Variants in RAB38 observed in about 807,000 individuals in gnomAD.
RAB38 encodes the protein ras-related protein Rab-38.
RAB38 carries 15 observed loss-of-function variants against 18.4 expected under a neutral mutation model. The ratio of observed to expected loss-of-function variants is 0.82; its 90% CI spans 0.55 to 1.26. The LOEUF (loss-of-function observed/expected upper bound fraction) is 1.26, where lower values mean the gene tolerates loss of function less well. Ranked by LOEUF, RAB38 falls within the 50% of genes most tolerant of loss-of-function variation. The pLI, the probability that RAB38 is intolerant of heterozygous loss-of-function variation, is 0.00. For missense variants in RAB38, 294 were observed against 267.4 expected, an observed-to-expected ratio of 1.10 and a Z score of -0.69; for synonymous variants, 101 against 104.4, an observed-to-expected ratio of 0.97 and a Z score of 0.20.
intron 2 of RAB38, among the ~76,000 whole-genome samples, chr11:88,144,265 A>C (rs1298936642): frequency 1.3e-5 from 2 of 152,354 alleles, no homozygotes; most frequent in Non-Finnish European, 2.9e-5. Context: ...GTGCTGTGAC[A>C]AATTAAGTCA....
chr11:87,824,411 C>A, the RAB38 span, among the ~76,000 whole-genome samples: 10 of 151,968 alleles, frequency 6.6e-5, no homozygotes, highest in Admixed American at 6.6e-4. Flanking sequence ...ATCAAGAAAC[C>A]CTATACATGT....
the RAB38 span, among the ~76,000 whole-genome samples, chr11:88,017,245 T>A: frequency 6.6e-6 from 1 of 152,088 alleles, no homozygotes; most frequent in African/African-American, 2.4e-5. Flanking sequence ...TGTGAATACT[T>A]CATGTATGAT....
downstream of RAB38, among the ~76,000 whole-genome samples, chr11:88,109,752 C>T (rs1219291069): frequency 6.6e-6 from 1 of 152,166 alleles, no homozygotes; most frequent in African/African-American, 2.4e-5. Flanking sequence ...ATGAGACCAA[C>T]AAACATATGA....
intron 1 of RAB38, chr11:88,173,667 A>G: frequency 1.0e-6 from 1 of 985,396 alleles, no homozygotes; most frequent in Non-Finnish European, 1.2e-6. Flanking sequence ...GAGCAGCCAG[A>G]AGGGTTTTCA....
chr11:88,121,005 G>C (rs1241279202), intron 2 of RAB38, among the ~76,000 whole-genome samples: 2 of 152,128 alleles, frequency 1.3e-5, no homozygotes, highest in Non-Finnish European at 2.9e-5. Flanking sequence ...GCATCACACA[G>C]GCTACTGAGC....
chr11:88,085,476 T>C, the RAB38 span, among the ~76,000 whole-genome samples: 1 of 151,920 alleles, frequency 6.6e-6, no homozygotes, highest in African/African-American at 2.4e-5. Context: ...CCAAACCTAA[T>C]TATATTTTCA....
chr11:87,812,078 A>T, the RAB38 span, among the ~76,000 whole-genome samples: 1 of 152,226 alleles, frequency 6.6e-6, no homozygotes, highest in African/African-American at 2.4e-5. Flanking sequence ...GAGAATTTCA[A>T]ATAGGTTAAG....
chr11:87,834,488 G>A, the RAB38 span, among the ~76,000 whole-genome samples: 1 of 152,178 alleles, frequency 6.6e-6, no homozygotes, highest in Non-Finnish European at 1.5e-5. Context: ...AACTAATACA[G>A]AGATTAAGTA....
downstream of RAB38, among the ~76,000 whole-genome samples, chr11:88,111,366 C>T (rs1278734817): frequency 1.3e-5 from 2 of 151,976 alleles, no homozygotes; most frequent in African/African-American, 4.8e-5. Context: ...GGTGAATGAC[C>T]CTTGTCTGTA....
chr11:87,950,955 C>A, the RAB38 span, among the ~76,000 whole-genome samples: 1 of 152,158 alleles, frequency 6.6e-6, no homozygotes, highest in Non-Finnish European at 1.5e-5. Flanking sequence ...TGGGGAAGTT[C>A]TCCTGGATAA....
At chr11:88,108,336 G>A (rs1000671195), downstream of RAB38, among the ~76,000 whole-genome samples, 1 of 152,074 alleles carries the variant, frequency 6.6e-6, no homozygotes, top group African/African-American at 2.4e-5. Context: ...AGGATAGTTA[G>A]CTCTTCTTTT....
chr11:87,907,041 T>A, the RAB38 span, among the ~76,000 whole-genome samples: 1 of 151,946 alleles, frequency 6.6e-6, no homozygotes, highest in African/African-American at 2.4e-5. Context: ...TGTACATATA[T>A]GTTTGTGTAT....
the RAB38 span, chr11:88,061,919 G>A: frequency 3.9e-5 from 6 of 151,914 alleles, no homozygotes; most frequent in Non-Finnish European, 7.4e-5. Context: ...CCTGAAATAG[G>A]GTCTTTGGTT....
At chr11:87,893,371 C>CATATATATATATGTATGT in the RAB38 span, among the ~76,000 whole-genome samples, 1 of 86,418 alleles carries the variant, frequency 1.2e-5, no homozygotes, top group African/African-American at 4.3e-5. Flanking sequence ...ATATATTTTA[C>CATATATATATATGTATGT]ATATATATAT....
the RAB38 span, among the ~76,000 whole-genome samples, chr11:87,823,104 AAAG>A: frequency 6.6e-6 from 1 of 151,062 alleles, no homozygotes; most frequent in Non-Finnish European, 1.5e-5. Context: ...ATTATAGACA[AAAG>A]AGTTAATAGA....
At chr11:88,007,600 G>C in the RAB38 span, among the ~76,000 whole-genome samples, 1 of 151,968 alleles carries the variant, frequency 6.6e-6, no homozygotes, top group Non-Finnish European at 1.5e-5. Context: ...AAAACATCAA[G>C]TGTCAGATAC....
the RAB38 span, among the ~76,000 whole-genome samples, chr11:87,808,039 C>T: frequency 8.5e-5 from 13 of 152,166 alleles, no homozygotes; most frequent in African/African-American, 2.4e-4. Flanking sequence ...GTACATATAC[C>T]TCCCCAGTCT....
At chr11:87,953,587 T>C in the RAB38 span, among the ~76,000 whole-genome samples, 1 of 152,190 alleles carries the variant, frequency 6.6e-6, no homozygotes, top group Non-Finnish European at 1.5e-5. Context: ...TTATTATTTA[T>C]TGTTAATCTG....
chr11:88,091,607 CTT>C, the RAB38 span, among the ~76,000 whole-genome samples: 1 of 151,986 alleles, frequency 6.6e-6, no homozygotes, highest in African/African-American at 2.4e-5. Context: ...TGTCTTGCCT[CTT>C]TGCGGATCAA....
Sources: gnomAD v4.1 joint callset for allele counts (sites outside exome capture counted in the v4.1 genomes callset) on GRCh38, gnomAD v4.1.1 for gene constraint, MANE v1.5 for transcripts, NCBI Gene and HGNC (gene_info 2026-07-23, HGNC 2026-07-21) for gene names.